DLG2: variants seen among roughly 807,000 people sequenced by gnomAD.
The protein encoded by DLG2 is disks large homolog 2.
DLG2 carries 45 observed loss-of-function variants against 132.5 expected under a neutral mutation model. That is an observed-to-expected ratio of 0.34 (90% CI 0.27 to 0.44). The LOEUF is 0.44. DLG2 is among the 20% of genes least tolerant of loss of function. DLG2 has a pLI of 1.00. For missense variants in DLG2, 1,045 were observed against 1,196.9 expected, an observed-to-expected ratio of 0.87 and a Z score of 1.87; for synonymous variants, 424 against 419.6, an observed-to-expected ratio of 1.01 and a Z score of -0.13.
chr11:84,694,500 T>A (rs763467871), intron 6 of DLG2, among the ~76,000 whole-genome samples: 8 of 148,916 alleles, frequency 5.4e-5, no homozygotes, highest in Non-Finnish European at 1.2e-4. Flanking sequence ...GATGTAGGTA[T>A]TTTTTTTCTT....
rs73513723 is a variant in DLG2, at chr11:84,060,765, T to C, written c.750-1281A>G. On this transcript the variant is annotated intron_variant, in intron 10 of 27. Coordinates refer to ENST00000376104, the MANE Select transcript of DLG2 (RefSeq NM_001142699.3). The stretch of plus-strand genomic sequence containing the variant: ...TAGTGTCCCCAATCTCAGATCACCA[T>C]GTTGCTCAGAGTCAAAAATGAGGGG... Among the ~76,000 whole-genome samples the C allele has an allele frequency of 4.7e-3, 711 of 152,280 alleles. 5 individuals are homozygous for C. The highest frequency in any genetic ancestry group is 0.016 in the African/African-American group (664 of 41,552).
intron 6 of DLG2, among the ~76,000 whole-genome samples, chr11:84,983,835 T>C (rs1224665480): frequency 6.6e-6 from 1 of 152,164 alleles, no homozygotes; most frequent in Non-Finnish European, 1.5e-5. Flanking sequence ...TGGATGCATT[T>C]ATAGAAATGC....
chr11:84,009,437 C>T (rs2094759430), intron 11 of DLG2, among the ~76,000 whole-genome samples: 1 of 152,008 alleles, frequency 6.6e-6, no homozygotes, highest in Non-Finnish European at 1.5e-5. Context: ...TGTATGCTTC[C>T]TATTCTTTAT....
chr11:85,536,716 C>G (rs1196477515), intron 3 of DLG2, among the ~76,000 whole-genome samples: 1 of 152,360 alleles, frequency 6.6e-6, no homozygotes, highest in Middle Eastern at 3.4e-3. Context: ...GCACTCAGGG[C>G]AGCGGGCTGA....
At chr11:85,227,117 C>A (rs2075023885) in intron 4 of DLG2, among the ~76,000 whole-genome samples, 1 of 152,108 alleles carries the variant, frequency 6.6e-6, no homozygotes, top group Admixed American at 6.6e-5. Flanking sequence ...AAACTGGAAA[C>A]TGAAATAAAA....
chr11:83,554,111 T>C (rs1220342703), intron 19 of DLG2, among the ~76,000 whole-genome samples: 1 of 152,076 alleles, frequency 6.6e-6, no homozygotes, highest in African/African-American at 2.4e-5. Flanking sequence ...CTTGAGGCCC[T>C]GGGTTCAAGC....
At chr11:84,089,751 T>G (rs1415743586) in intron 10 of DLG2, among the ~76,000 whole-genome samples, 1 of 152,228 alleles carries the variant, frequency 6.6e-6, no homozygotes, top group Non-Finnish European at 1.5e-5. Flanking sequence ...TTATATCTTG[T>G]CTGGGAGTAG....
intron 3 of DLG2, among the ~76,000 whole-genome samples, chr11:85,358,371 C>A (rs968087230): frequency 2.0e-5 from 3 of 152,148 alleles, no homozygotes; most frequent in African/African-American, 7.2e-5. Context: ...CCTCTACAAG[C>A]AGTCTGCACT....
At chr11:83,906,847 A>G (rs1391945698) in intron 15 of DLG2, among the ~76,000 whole-genome samples, 1 of 152,206 alleles carries the variant, frequency 6.6e-6, no homozygotes, top group Admixed American at 6.5e-5. Context: ...TAACCACTTA[A>G]TAACCACATT....
At chr11:84,829,480 G>T (rs541809566) in intron 6 of DLG2, among the ~76,000 whole-genome samples, 1 of 151,852 alleles carries the variant, frequency 6.6e-6, no homozygotes, top group Admixed American at 6.6e-5. Context: ...TGACAAAAAT[G>T]ATCATGAATT....
At chr11:84,723,072 C>A (rs1020785930) in intron 6 of DLG2, among the ~76,000 whole-genome samples, 3 of 152,180 alleles carry the variant, frequency 2.0e-5, no homozygotes, top group African/African-American at 7.2e-5. Context: ...CTCCCACCTA[C>A]AGAGCATCTA....
rs186127205 is a variant in DLG2 at position 84,086,463 on chromosome 11, T to C, written c.749+12460A>G. ...CCTATGTAATTTTAAACATTTTCTT[T>C]CTTTCTGTTTTTTCTTTTTCTTTCT... On this transcript the variant is annotated intron_variant, in intron 10 of 27. Coordinates refer to ENST00000376104, the MANE Select transcript of DLG2 (RefSeq NM_001142699.3). Among the ~76,000 whole-genome samples, 12 of 150,970 alleles carry C rather than the reference T, an allele frequency of 7.9e-5. No homozygotes were observed. The East Asian group carries it at 1.8e-3, about 22-fold the overall frequency.
intron 18 of DLG2, among the ~76,000 whole-genome samples, chr11:83,738,336 T>A (rs1204294249): frequency 2.0e-5 from 3 of 150,474 alleles, no homozygotes; most frequent in African/African-American, 7.3e-5. Context: ...ACAGCCAAGA[T>A]TTTTTTTTTC....
At position 83,858,166 on chromosome 11, in the gene DLG2, T is replaced by C. The variant is rs75477260; in HGVS notation, c.1565+16254A>G. Among the ~76,000 whole-genome samples, 6 of 152,250 alleles carry C rather than the reference T, an allele frequency of 3.9e-5. No individual in the cohort carries two copies. The East Asian group carries it at 1.2e-3, about 29-fold the overall frequency. On this transcript the variant is annotated intron_variant, in intron 16 of 27. Transcript: ENST00000376104. Reference sequence around the variant, plus strand: ...CTGTTTTGCTGAGTACGAGTTCTGATCTATGTAAGGCCAACTCAGGACTCT... The same window carrying C: ...CTGTTTTGCTGAGTACGAGTTCTGACCTATGTAAGGCCAACTCAGGACTCT...
At chr11:84,463,779 T>A (rs76970339) in intron 7 of DLG2, among the ~76,000 whole-genome samples, 2,446 of 151,106 alleles carry the variant, frequency 0.016, 76 homozygotes, top group African/African-American at 0.056. Context: ...TGGAAGAAAA[T>A]CCCTAATCTT....
chr11:84,836,056 T>C (rs769916743), intron 6 of DLG2, among the ~76,000 whole-genome samples: 32 of 151,764 alleles, frequency 2.1e-4, no homozygotes, highest in Non-Finnish European at 2.7e-4. Context: ...CTCTCAGTGT[T>C]TGCTTCACTG....
intron 7 of DLG2, among the ~76,000 whole-genome samples, chr11:84,408,311 T>G (rs950444949): frequency 1.2e-4 from 18 of 150,512 alleles, no homozygotes; most frequent in Admixed American, 1.1e-3. Flanking sequence ...AATATTTTTG[T>G]CTAGTGAAAT....
chr11:84,684,169 A>C (rs954033840), intron 6 of DLG2, among the ~76,000 whole-genome samples: 1 of 152,216 alleles, frequency 6.6e-6, no homozygotes, highest in Non-Finnish European at 1.5e-5. Context: ...TTTGGCTACA[A>C]TATCAAGGAC....
At chr11:84,286,460 AAGCC>A (rs577293102) in intron 7 of DLG2, among the ~76,000 whole-genome samples, 213 of 152,276 alleles carry the variant, frequency 1.4e-3, no homozygotes, top group Non-Finnish European at 2.4e-3. Flanking sequence ...AATCTTAAGG[AAGCC>A]ATTGCAATAT....
Sources: gnomAD v4.1 joint callset for allele counts (sites outside exome capture counted in the v4.1 genomes callset) on GRCh38, gnomAD v4.1.1 for gene constraint, MANE v1.5 for transcripts, NCBI Gene and HGNC (gene_info 2026-07-23, HGNC 2026-07-21) for gene names.